MARCKSL1: variants seen among roughly 807,000 people sequenced by gnomAD.
MARCKSL1 encodes MARCKS like 1.
Under a neutral mutation model 13.3 loss-of-function variants are expected in MARCKSL1, and 5 were observed. That is an observed-to-expected ratio of 0.38 (90% CI 0.20 to 0.79). The LOEUF (loss-of-function observed/expected upper bound fraction) is 0.79, where lower values mean the gene tolerates loss of function less well. Ranked by LOEUF, MARCKSL1 falls within the 30% of genes least tolerant of loss-of-function variation. MARCKSL1 has a pLI of 0.45. For missense variants in MARCKSL1, 274 were observed against 251.6 expected (o/e 1.09, Z -0.60); for synonymous variants, 126 against 103.2 (o/e 1.22, Z -1.34).
Position 32,335,829 on chromosome 1 carries a change from A to C in MARCKSL1, c.87+118T>G. The stretch of plus-strand genomic sequence containing the variant: ...CGAGAACAAAGGGACCGGGCGGGGG[A>C]GGGGGCGCCGCGTGTCCCGGGCCGG... On this transcript the variant is annotated intron_variant, in intron 1 of 1. Coordinates refer to ENST00000329421, the MANE Select transcript of MARCKSL1 (RefSeq NM_023009.7). The surrounding 1 kb of genome is among the most constrained non-coding windows in gnomAD (Gnocchi z 4.1). The C allele has an allele frequency of 2.9e-5, 8 of 272,992 alleles. No homozygotes were observed. Among genetic ancestry groups the C allele is most frequent in the Non-Finnish European group, 3.6e-5 (6 of 168,250 alleles). The allele number at this position is 272,992 out of a possible 1,614,324, so 16.9% of individuals were successfully genotyped here.
chr1:32,334,259 C>T lies in MARCKSL1; in HGVS notation c.*338G>A, dbSNP rs1297417610. 2 of 215,678 alleles carry T rather than the reference C, an allele frequency of 9.3e-6. No homozygotes were observed. Among genetic ancestry groups the T allele is most frequent in the Non-Finnish European group, 1.8e-5 (2 of 110,012 alleles). The allele number at this position is 215,678 out of a possible 1,614,324, so 13.4% of individuals were successfully genotyped here. On this transcript the variant is annotated 3_prime_UTR_variant, in exon 2 of 2. Coordinates refer to ENST00000329421, the MANE Select transcript of MARCKSL1 (RefSeq NM_023009.7). ...GATTTGGGGAGTAGGGTAAACAAAA[C>T]CTACTTGGAAAAGAATTGGGGAAGA...
Position 32,335,962 on chromosome 1 carries a change from C to T in MARCKSL1, c.72G>A (p.Ala24=). 2.3e-6 allele frequency: 3 copies of T among 1,293,178 alleles called. No homozygotes were observed. Among genetic ancestry groups the T allele is most frequent in the Non-Finnish European group, 2.9e-6 (3 of 1,017,386 alleles). 80.1% of individuals were successfully genotyped at this position (1,293,178 alleles called of 1,614,324 possible). ...GCGTACCCACCTGGCCGTTGGCCTT[C>T]GCGGGGGAAGCGCCTGCTGCCTCCT... ...TAEEAAGASP[A]KANGQENGHV... The change falls in exon 1 of 2, where the codon GCG becomes GCA. Residue 24 remains alanine (A), a synonymous_variant. Transcript: ENST00000329421. This position sits in a 1 kb window ranked among gnomAD's most constrained non-coding sequence, Gnocchi z 4.1.
Position 32,335,487 on chromosome 1 carries a change from C to G in MARCKSL1, c.88-390G>C, listed in dbSNP as rs1440200877. ...TCTCTGCACCTGGACGGCCTATTTTCCCAGCCTCCCGCTTTGTGTAAGTGG... is the reference window on the plus strand; with the variant it reads ...TCTCTGCACCTGGACGGCCTATTTTGCCAGCCTCCCGCTTTGTGTAAGTGG... On this transcript the variant is annotated intron_variant, in intron 1 of 1. Transcript: ENST00000329421. This position sits in a 1 kb window ranked among gnomAD's most constrained non-coding sequence, Gnocchi z 4.1. 3.3e-5 allele frequency among the ~76,000 whole-genome samples: 5 copies of G among 151,840 alleles called. No homozygotes were observed. Among genetic ancestry groups the G allele is most frequent in the Non-Finnish European group, 1.5e-5 (1 of 67,856 alleles).
chr1:32,334,520 C>A lies in MARCKSL1; in HGVS notation c.*77G>T. On this transcript the variant is annotated 3_prime_UTR_variant, in exon 2 of 2. Coordinates refer to ENST00000329421, the MANE Select transcript of MARCKSL1 (RefSeq NM_023009.7). ...TCTGGGCACAGGAAGGCAGCCAGGG[C>A]ACCAGGTCCAGGCAGTGACCTCACA... The A allele has an allele frequency of 6.9e-7, 1 of 1,445,542 alleles. No individual in the cohort carries two copies. The highest frequency in any genetic ancestry group is 9.1e-7 in the Non-Finnish European group (1 of 1,094,452). 89.5% of individuals were successfully genotyped at this position (1,445,542 alleles called of 1,614,324 possible). A position where few individuals can be genotyped will look rare whatever the true frequency, so the allele number is the denominator to read the frequency against.
In MARCKSL1 at chr1:32,336,052, G is replaced by T; in HGVS notation, c.-19C>A. 1 of 1,275,810 alleles carries T rather than the reference G, an allele frequency of 7.8e-7. No homozygotes were observed. The highest frequency in any genetic ancestry group is 1.5e-5 in the African/African-American group (1 of 65,448). 79.0% of individuals were successfully genotyped at this position (1,275,810 alleles called of 1,614,324 possible). A position where few individuals can be genotyped will look rare whatever the true frequency, so the allele number is the denominator to read the frequency against. ...TGCCCATGATGGGGGTCTGCTGGGGGGCGCTTGGAGCCGCCCCGGGCTCGC... is the reference window on the plus strand; with the variant it reads ...TGCCCATGATGGGGGTCTGCTGGGGTGCGCTTGGAGCCGCCCCGGGCTCGC... On this transcript the variant is annotated 5_prime_UTR_variant, in exon 1 of 2. Transcript: ENST00000329421.
chr1:32,334,806 CCTG>C lies in MARCKSL1; in HGVS notation c.376_378del (p.Gln126del). 6.2e-7 allele frequency: 1 copy of C among 1,612,130 alleles called. No homozygotes were observed. The highest frequency in any genetic ancestry group is 8.5e-7 in the Non-Finnish European group (1 of 1,179,946). On this transcript the variant is annotated inframe_deletion, in exon 2 of 2. Coordinates refer to ENST00000329421, the MANE Select transcript of MARCKSL1 (RefSeq NM_023009.7). ...CTGCAGGCACCGATCTCCCCCTGCT[CCTG>C]CTCTTCCTCTGTGGGTGAGGAGGCA...
At position 32,334,610 on chromosome 1, in the gene MARCKSL1, T is replaced by C; in HGVS notation, c.575A>G (p.Glu192Gly). 1 of 1,556,432 alleles carries C rather than the reference T, an allele frequency of 6.4e-7. No individual in the cohort carries two copies. Among genetic ancestry groups the C allele is most frequent in the Non-Finnish European group, 8.7e-7 (1 of 1,152,188 alleles). Residue 192 changes from glutamate (E) to glycine (G), a missense_variant, in exon 2 of 2, where the codon GAG becomes GGG. Physicochemically the swap from Glu to Gly is moderately conservative, Grantham distance 98 (BLOSUM62 -2). Transcript: ENST00000329421. ...PESGPTPASA[E>G]QNE ...GCCCCTACCTAGCTACTCATTCTGC[T>C]CAGCGCTGGCTGGTGTAGGGCCACT... is the stretch of plus-strand genomic sequence containing the variant.
rs1289373152 is a variant in MARCKSL1, at chr1:32,333,859, C to T, written c.*738G>A. ...ACCACTAAAGGGACGACATTTATTC[C>T]TTTTCCAAATGTTACAGTAAAACCA... On this transcript the variant is annotated 3_prime_UTR_variant, in exon 2 of 2. Transcript: ENST00000329421. 6.6e-6 allele frequency: 1 copy of T among 152,350 alleles called. No individual in the cohort carries two copies. The highest frequency in any genetic ancestry group is 1.5e-5 in the Non-Finnish European group (1 of 68,010). The allele number at this position is 152,350 out of a possible 1,614,324, so 9.4% of individuals were successfully genotyped here. A position where few individuals can be genotyped will look rare whatever the true frequency, so the allele number is the denominator to read the frequency against.
At position 32,336,208 on chromosome 1, in the gene MARCKSL1, G is replaced by GCCGCT. The variant is rs1213180705; in HGVS notation, c.-180_-176dup. On this transcript the variant is annotated 5_prime_UTR_variant, in exon 1 of 2. Coordinates refer to ENST00000329421, the MANE Select transcript of MARCKSL1 (RefSeq NM_023009.7). ...GGCCGACCCGCTAGCTGCGCCCGCC[G>GCCGCT]CCGCTCCGCTCCGCGCCAGAATGCC... 82 of 333,030 alleles carry GCCGCT rather than the reference G, an allele frequency of 2.5e-4. No homozygotes were observed. The highest frequency in any genetic ancestry group is 1.5e-3 in the African/African-American group (69 of 46,242). The allele number at this position is 333,030 out of a possible 1,614,324, so 20.6% of individuals were successfully genotyped here.
rs1641366537 is a variant in MARCKSL1 at position 32,335,214 on chromosome 1, C to T, written c.88-117G>A. 8.6e-7 allele frequency: 1 copy of T among 1,161,318 alleles called. No homozygotes were observed. Among genetic ancestry groups the T allele is most frequent in the Non-Finnish European group, 1.1e-6 (1 of 885,990 alleles). 71.9% of individuals were successfully genotyped at this position (1,161,318 alleles called of 1,614,324 possible). On this transcript the variant is annotated intron_variant, in intron 1 of 1. Transcript: ENST00000329421. The surrounding 1 kb of genome is among the most constrained non-coding windows in gnomAD (Gnocchi z 4.1). ...ATTCTACTGCAACCCGAAAGTCTGGCTTCAGCCTCACCCACACCCAGGATC... is the reference window on the plus strand; with the variant it reads ...ATTCTACTGCAACCCGAAAGTCTGGTTTCAGCCTCACCCACACCCAGGATC...
chr1:32,334,951 C>T lies in MARCKSL1; in HGVS notation c.234G>A (p.Gly78=), dbSNP rs1641360362. 6.2e-7 allele frequency: 1 copy of T among 1,612,552 alleles called. No homozygotes were observed. The highest frequency in any genetic ancestry group is 1.7e-5 in the Admixed American group (1 of 59,996). The change falls in exon 2 of 2, where the codon GGG becomes GGA. Residue 78 remains glycine, a synonymous_variant. Coordinates refer to ENST00000329421, the MANE Select transcript of MARCKSL1 (RefSeq NM_023009.7). ...TGGGGGTCTCCTTGGGGGGGACCTC[C>T]CCCTTGGCCTCAGCACCCTGGCTAG... is the stretch of plus-strand genomic sequence containing the variant. ...APPSQGAEAK[G]EVPPKETPKK...
Position 32,336,050 on chromosome 1 carries a change from G to A in MARCKSL1, c.-17C>T. 7.8e-7 allele frequency: 1 copy of A among 1,279,392 alleles called. No homozygotes were observed. 79.3% of individuals were successfully genotyped at this position (1,279,392 alleles called of 1,614,324 possible). A position where few individuals can be genotyped will look rare whatever the true frequency, so the allele number is the denominator to read the frequency against. On this transcript the variant is annotated 5_prime_UTR_variant, in exon 1 of 2. Transcript: ENST00000329421. ...GCTGCCCATGATGGGGGTCTGCTGGGGGGCGCTTGGAGCCGCCCCGGGCTC... is the reference window on the plus strand; with the variant it reads ...GCTGCCCATGATGGGGGTCTGCTGGAGGGCGCTTGGAGCCGCCCCGGGCTC...
rs1354852767 is a variant in MARCKSL1 at position 32,335,111 on chromosome 1, G to A, written c.88-14C>T. 14 of 1,515,958 alleles carry A rather than the reference G, an allele frequency of 9.2e-6. No homozygotes were observed. In the South Asian group the frequency reaches 1.1e-4, roughly 12 times the overall value. The allele number at this position is 1,515,958 out of a possible 1,614,324, so 93.9% of individuals were successfully genotyped here. On this transcript the variant is annotated splice_polypyrimidine_tract_variant and intron_variant, in intron 1 of 1. Coordinates refer to ENST00000329421, the MANE Select transcript of MARCKSL1 (RefSeq NM_023009.7). The surrounding 1 kb of genome is among the most constrained non-coding windows in gnomAD (Gnocchi z 4.1). Reference sequence around the variant, plus strand: ...GTGGCCATTCTCCTGCAGGGCAGAGGGAATAGCAATGAGGGCAGGGGCTCC... The same window carrying A: ...GTGGCCATTCTCCTGCAGGGCAGAGAGAATAGCAATGAGGGCAGGGGCTCC...
chr1:32,335,183 G>A lies in MARCKSL1; in HGVS notation c.88-86C>T, dbSNP rs191515411. On this transcript the variant is annotated intron_variant, in intron 1 of 1. Coordinates refer to ENST00000329421, the MANE Select transcript of MARCKSL1 (RefSeq NM_023009.7). The surrounding 1 kb of genome is among the most constrained non-coding windows in gnomAD (Gnocchi z 4.1). Reference sequence around the variant, plus strand: ...ATCCCTTCTAGAGGAAGGGGTCCTCGATTCGATTCTACTGCAACCCGAAAG... The same window carrying A: ...ATCCCTTCTAGAGGAAGGGGTCCTCAATTCGATTCTACTGCAACCCGAAAG... 26 of 1,342,492 alleles carry A rather than the reference G, an allele frequency of 1.9e-5. No individual in the cohort carries two copies. The African/African-American group carries it at 3.9e-4, about 20-fold the overall frequency. The allele number at this position is 1,342,492 out of a possible 1,614,324, so 83.2% of individuals were successfully genotyped here.
At position 32,335,986 on chromosome 1, in the gene MARCKSL1, C is replaced by T; in HGVS notation, c.48G>A (p.Glu16=). The T allele has an allele frequency of 1.5e-6, 2 of 1,295,814 alleles. No individual in the cohort carries two copies. Among genetic ancestry groups the T allele is most frequent in the Non-Finnish European group, 2.0e-6 (2 of 1,019,704 alleles). The allele number at this position is 1,295,814 out of a possible 1,614,324, so 80.3% of individuals were successfully genotyped here. A position where few individuals can be genotyped will look rare whatever the true frequency, so the allele number is the denominator to read the frequency against. ...SKAPRGDVTA[E]EAAGASPAKA... The stretch of plus-strand genomic sequence containing the variant: ...TCGCGGGGGAAGCGCCTGCTGCCTC[C>T]TCGGCGGTCACGTCGCCCCGGGGAG... The change falls in exon 1 of 2, where the codon GAG becomes GAA. Residue 16 remains glutamate (E), a synonymous_variant. Transcript: ENST00000329421. The surrounding 1 kb of genome is among the most constrained non-coding windows in gnomAD (Gnocchi z 4.1).
Position 32,336,211 on chromosome 1 carries a change from G to A in MARCKSL1, c.-178C>T, listed in dbSNP as rs1162433078. 3 of 329,566 alleles carry A rather than the reference G, an allele frequency of 9.1e-6. No homozygotes were observed. Among genetic ancestry groups the A allele is most frequent in the Admixed American group, 9.8e-5 (2 of 20,350 alleles). 20.4% of individuals were successfully genotyped at this position (329,566 alleles called of 1,614,324 possible). A position where few individuals can be genotyped will look rare whatever the true frequency, so the allele number is the denominator to read the frequency against. ...CGACCCGCTAGCTGCGCCCGCCGCC[G>A]CTCCGCTCCGCGCCAGAATGCCGCC... On this transcript the variant is annotated 5_prime_UTR_variant, in exon 1 of 2. Coordinates refer to ENST00000329421, the MANE Select transcript of MARCKSL1 (RefSeq NM_023009.7).
chr1:32,334,593 C>T lies in MARCKSL1; in HGVS notation c.*4G>A. The T allele has an allele frequency of 6.5e-7, 1 of 1,530,972 alleles. No individual in the cohort carries two copies. The highest frequency in any genetic ancestry group is 8.8e-7 in the Non-Finnish European group (1 of 1,139,260). 94.8% of individuals were successfully genotyped at this position (1,530,972 alleles called of 1,614,324 possible). ...TTAGAGATCACCCACCTGCCCCTAC[C>T]TAGCTACTCATTCTGCTCAGCGCTG... On this transcript the variant is annotated 3_prime_UTR_variant, in exon 2 of 2. Coordinates refer to ENST00000329421, the MANE Select transcript of MARCKSL1 (RefSeq NM_023009.7).
At position 32,334,792 on chromosome 1, in the gene MARCKSL1, G is replaced by A; in HGVS notation, c.393C>T (p.Ile131=). ...CAGTGCCCTCGTCGCTGCAGGCACC[G>A]ATCTCCCCCTGCTCCTGCTCTTCCT... The part of the protein sequence containing the change: ...PTEEEQEQGE[I]GACSDEGTAQ... Residue 131 remains isoleucine, a synonymous_variant, in exon 2 of 2, where the codon ATC becomes ATT. Transcript: ENST00000329421. 1 of 1,611,592 alleles carries A rather than the reference G, an allele frequency of 6.2e-7. No homozygotes were observed. Among genetic ancestry groups the A allele is most frequent in the Non-Finnish European group, 8.5e-7 (1 of 1,179,820 alleles).
rs995222322 is a variant in MARCKSL1, at chr1:32,335,420, C to T, written c.88-323G>A. 7.2e-5 allele frequency among the ~76,000 whole-genome samples: 11 copies of T among 151,898 alleles called. No individual in the cohort carries two copies. Among genetic ancestry groups the T allele is most frequent in the African/African-American group, 2.4e-4 (10 of 41,492 alleles). ...GGATCCCGGGCAGGCGGGCGAGCCG[C>T]TCTAGGCGACATTGGGCGGGAAGCC... On this transcript the variant is annotated intron_variant, in intron 1 of 1. Coordinates refer to ENST00000329421, the MANE Select transcript of MARCKSL1 (RefSeq NM_023009.7). This position sits in a 1 kb window ranked among gnomAD's most constrained non-coding sequence, Gnocchi z 4.1.
Sources: allele counts gnomAD v4.1 joint callset (sites outside exome capture counted in the v4.1 genomes callset), GRCh38; gene constraint gnomAD v4.1.1; non-coding constraint Gnocchi (gnomAD v3.1); transcripts MANE v1.5; gene names NCBI Gene and HGNC (gene_info 2026-07-23, HGNC 2026-07-21).